The following RFX8 variants were observed in gnomAD, a reference collection of about 807,000 sequenced individuals.
RFX8 encodes DNA-binding protein RFX8.
RFX8 carries 46 observed loss-of-function variants against 54.6 expected under a neutral mutation model. The ratio of observed to expected loss-of-function variants is 0.84; its 90% CI spans 0.67 to 1.08. The LOEUF (loss-of-function observed/expected upper bound fraction) is 1.08. Among genes scored for constraint, RFX8 ranks in the 50% least tolerant of loss-of-function variants. The probability of loss-of-function intolerance (pLI) is 0.00; values close to 1 mark genes in which losing one functional copy is unlikely to be tolerated. For synonymous variants in RFX8, 192 were observed against 209.5 expected, an observed-to-expected ratio of 0.92 and a Z score of 0.72; for missense variants, 536 against 562.3, an observed-to-expected ratio of 0.95 and a Z score of 0.47.
At chr2:101,439,009 C>T (rs1489457139) in intron 2 of RFX8, among the ~76,000 whole-genome samples, 1 of 152,114 alleles carries the variant, frequency 6.6e-6, no homozygotes, top group Non-Finnish European at 1.5e-5. Context: ...GACAGGGTTT[C>T]ACTATGTTGG....
intron 11 of RFX8, among the ~76,000 whole-genome samples, chr2:101,399,383 T>A (rs1685303560): frequency 6.6e-6 from 1 of 152,268 alleles, no homozygotes. Context: ...TCAGCAGGCA[T>A]GAATGAACAG....
chr2:101,452,163 C>A (rs1688720267), intron 2 of RFX8, among the ~76,000 whole-genome samples: 2 of 152,148 alleles, frequency 1.3e-5, no homozygotes, highest in South Asian at 4.1e-4. Context: ...TATATTGTAA[C>A]CTTCATATTT....
intron 8 of RFX8, among the ~76,000 whole-genome samples, chr2:101,411,436 A>C (rs1287541279): frequency 1.3e-5 from 2 of 152,140 alleles, no homozygotes; most frequent in Admixed American, 1.3e-4. Flanking sequence ...GGACTCACAA[A>C]GATGCCAGTA....
At position 101,460,063 on chromosome 2, in the gene RFX8, G is replaced by T. The variant is rs898679112; in HGVS notation, c.72+6714C>A. Among the ~76,000 whole-genome samples, 3 of 152,252 alleles carry T rather than the reference G, an allele frequency of 2.0e-5. No homozygotes were observed. The East Asian group carries it at 5.8e-4, about 29-fold the overall frequency. On this transcript the variant is annotated intron_variant, in intron 2 of 11. Transcript: ENST00000428343. ...GACCCACTGAGCCAGGCACAGGAGG[G>T]AATCTCCTGGTCTGACAGTTGCTAA...
chr2:101,423,877 T>C (rs1393160606), intron 2 of RFX8, among the ~76,000 whole-genome samples: 5 of 152,140 alleles, frequency 3.3e-5, no homozygotes, highest in African/African-American at 7.2e-5. Flanking sequence ...CAGTACTGCA[T>C]TGAGGATCAC....
chr2:101,436,397 C>T (rs996351875), intron 2 of RFX8, among the ~76,000 whole-genome samples: 1 of 152,056 alleles, frequency 6.6e-6, no homozygotes, highest in Non-Finnish European at 1.5e-5. Context: ...AATTGAGATG[C>T]CCTTGAACAG....
intron 9 of RFX8, among the ~76,000 whole-genome samples, chr2:101,409,751 G>A (rs1160643819): frequency 3.9e-5 from 6 of 151,970 alleles, no homozygotes; most frequent in African/African-American, 7.3e-5. Flanking sequence ...CCTCCTGCCT[G>A]GGCCTCCCAA....
chr2:101,418,137 G>A (rs1448442936), intron 5 of RFX8, among the ~76,000 whole-genome samples: 1 of 151,974 alleles, frequency 6.6e-6, no homozygotes, highest in African/African-American at 2.4e-5. Flanking sequence ...TGATCCACCC[G>A]CCTCAGCCTC....
In RFX8 at chr2:101,466,290, A is replaced by T. The variant is rs1689569369; in HGVS notation, c.72+487T>A. Reference sequence around the variant, plus strand: ...CGCCATTGCTGTAGCCTGGGCAACAAGAGGGAAATTCTATCTCGGAAAAAA... The same window carrying T: ...CGCCATTGCTGTAGCCTGGGCAACATGAGGGAAATTCTATCTCGGAAAAAA... On this transcript the variant is annotated intron_variant, in intron 2 of 11. Coordinates refer to ENST00000428343, the MANE Select transcript of RFX8 (RefSeq NM_001145664.2). 1.4e-5 allele frequency among the ~76,000 whole-genome samples: 2 copies of T among 146,332 alleles called. 1 individual carries two copies. Among genetic ancestry groups the T allele is most frequent in the South Asian group, 4.5e-4 (2 of 4,408 alleles).
At chr2:101,454,719 C>T (rs976808394) in intron 2 of RFX8, among the ~76,000 whole-genome samples, 1 of 152,022 alleles carries the variant, frequency 6.6e-6, no homozygotes, top group Admixed American at 6.6e-5. Flanking sequence ...CTGTTCATAC[C>T]CTTTACCCAC....
At chr2:101,442,713 T>G (rs1398358100) in intron 2 of RFX8, among the ~76,000 whole-genome samples, 2 of 152,220 alleles carry the variant, frequency 1.3e-5, no homozygotes, top group East Asian at 1.9e-4. Flanking sequence ...CTTTGTGGTG[T>G]TGTTTCAGCC....
intron 2 of RFX8, among the ~76,000 whole-genome samples, chr2:101,440,004 C>T (rs1688005744): frequency 6.6e-6 from 1 of 152,114 alleles, no homozygotes. Context: ...GTGTTCTCCT[C>T]CCATTTTATT....
chr2:101,451,116 C>T (rs1300879248), intron 2 of RFX8, among the ~76,000 whole-genome samples: 3 of 152,124 alleles, frequency 2.0e-5, no homozygotes, highest in Admixed American at 1.3e-4. Flanking sequence ...TCTCTGCAGC[C>T]CACACCTTCC....
chr2:101,437,521 T>A (rs1327346708), intron 2 of RFX8, among the ~76,000 whole-genome samples: 1 of 150,112 alleles, frequency 6.7e-6, no homozygotes, highest in Non-Finnish European at 1.5e-5. Flanking sequence ...AAGGCTGCAG[T>A]GAGCCATGAT....
intron 2 of RFX8, among the ~76,000 whole-genome samples, chr2:101,449,833 G>A (rs923552018): frequency 6.6e-5 from 10 of 152,038 alleles, no homozygotes; most frequent in South Asian, 4.2e-4. Flanking sequence ...ATGAGATCTC[G>A]GGGAGAGCCT....
At chr2:101,461,543 TG>T (rs1184903129) in intron 2 of RFX8, among the ~76,000 whole-genome samples, 7 of 152,178 alleles carry the variant, frequency 4.6e-5, no homozygotes, top group Non-Finnish European at 1.0e-4. Flanking sequence ...AGAAATAATC[TG>T]GTGTTTGGGA....
chr2:101,466,573 T>A (rs932714876), intron 2 of RFX8, among the ~76,000 whole-genome samples: 1 of 152,160 alleles, frequency 6.6e-6, no homozygotes, highest in African/African-American at 2.4e-5. Context: ...TCCTGGCCCC[T>A]CACTATGAAG....
chr2:101,440,591 C>T (rs1173989829), intron 2 of RFX8, among the ~76,000 whole-genome samples: 2 of 152,162 alleles, frequency 1.3e-5, no homozygotes, highest in African/African-American at 4.8e-5. Context: ...GGGGAGAGCA[C>T]ACAGGAAGCC....
Position 101,421,749 on chromosome 2 carries a change from T to G in RFX8, c.212A>C (p.Asn71Thr). The change falls in exon 4 of 12, where the codon AAC (asparagine) becomes ACC (threonine). Residue 71 changes from asparagine to threonine, a missense_variant. Asn to Thr is a moderately conservative substitution (Grantham distance 65). Coordinates refer to ENST00000428343, the MANE Select transcript of RFX8 (RefSeq NM_001145664.2). ...ATTTCGTAAAATGTCTCGACAATAG[T>G]TGCAGTATTCGTCAGCAAGGAAGGC... ...MMAFLADEYC[N>T]YCRDILRNVE... 6.4e-7 allele frequency: 1 copy of G among 1,550,454 alleles called. No homozygotes were observed. The highest frequency in any genetic ancestry group is 8.7e-7 in the Non-Finnish European group (1 of 1,146,378).
Sources: gnomAD v4.1 joint callset for allele counts (sites outside exome capture counted in the v4.1 genomes callset) on GRCh38, gnomAD v4.1.1 for gene constraint, MANE v1.5 for transcripts, NCBI Gene and HGNC (gene_info 2026-07-23, HGNC 2026-07-21) for gene names.